Variants in PFKFB3 observed in about 807,000 individuals in gnomAD.
The protein encoded by PFKFB3 is 6-phosphofructo-2-kinase/fructose-2,6-biphosphatase 3, also known as 6-phosphofructo-2-kinase/fructose-2,6-bisphosphatase 3.
PFKFB3 carries 33 observed loss-of-function variants against 68.0 expected under a neutral mutation model. The ratio of observed to expected loss-of-function variants is 0.49; its 90% CI spans 0.37 to 0.65. The LOEUF is 0.65. PFKFB3 is among the 30% of genes least tolerant of loss of function. The pLI is 0.00. For synonymous variants in PFKFB3, 315 were observed against 288.2 expected, an observed-to-expected ratio of 1.09 and a Z score of -0.94; for missense variants, 586 against 712.2, an observed-to-expected ratio of 0.82 and a Z score of 2.02.
At chr10:6,150,701 T>C (rs1841546922) in intron 1 of PFKFB3, among the ~76,000 whole-genome samples, 1 of 151,312 alleles carries the variant, frequency 6.6e-6, no homozygotes, top group Non-Finnish European at 1.5e-5. Context: ...TAATTTAAAA[T>C]AAAGACAATA....
chr10:6,233,218 C>T lies in PFKFB3; in HGVS notation c.*276C>T, dbSNP rs967322133. 1 of 442,754 alleles carries T rather than the reference C, an allele frequency of 2.3e-6. No individual in the cohort carries two copies. The highest frequency in any genetic ancestry group is 4.1e-6 in the Non-Finnish European group (1 of 243,370). The allele number at this position is 442,754 out of a possible 1,614,324, so 27.4% of individuals were successfully genotyped here. On this transcript the variant is annotated 3_prime_UTR_variant, in exon 15 of 15. Coordinates refer to ENST00000379775, the MANE Select transcript of PFKFB3 (RefSeq NM_004566.4). ...CCTAGGAATGTCCAGCCTCGGAGACCTTCACAAAGCCTTGGGAGGGTGATG... is the reference window on the plus strand; with the variant it reads ...CCTAGGAATGTCCAGCCTCGGAGACTTTCACAAAGCCTTGGGAGGGTGATG...
In PFKFB3 at chr10:6,156,323, T is replaced by C. The variant is rs560541051; in HGVS notation, c.16+11310T>C. 3.5e-3 allele frequency among the ~76,000 whole-genome samples: 538 copies of C among 151,942 alleles called. 2 individuals are homozygous for C. Among genetic ancestry groups the C allele is most frequent in the African/African-American group, 0.012 (514 of 41,422 alleles). On this transcript the variant is annotated intron_variant, in intron 1 of 14. Transcript: ENST00000379789. ...TGTGCGCCACCACAGTCTGCTTTTT[T>C]TTTCAAACTTTTTGTGGAGACAAAG...
chr10:6,188,073 G>A (rs977678198), intron 1 of PFKFB3, among the ~76,000 whole-genome samples: 9 of 151,264 alleles, frequency 5.9e-5, no homozygotes, highest in Non-Finnish European at 8.8e-5. Flanking sequence ...ATGTGTGTAC[G>A]TGTGCGTGTG....
At chr10:6,231,545 C>T (rs1012060298) in intron 14 of PFKFB3, 3 of 985,320 alleles carry the variant, frequency 3.0e-6, no homozygotes, top group African/African-American at 3.5e-5. Context: ...AGGCTCTCCA[C>T]TGTTATTGTT....
intron 1 of PFKFB3, among the ~76,000 whole-genome samples, chr10:6,171,394 T>C (rs1315717948): frequency 6.7e-6 from 1 of 150,134 alleles, no homozygotes; most frequent in African/African-American, 2.4e-5. Flanking sequence ...AAATTGTTCT[T>C]TCTTTCTTTT....
At chr10:6,194,552 AG>A (rs1413197748) in intron 1 of PFKFB3, among the ~76,000 whole-genome samples, 1 of 152,186 alleles carries the variant, frequency 6.6e-6, no homozygotes, top group Non-Finnish European at 1.5e-5. Flanking sequence ...GAAAGAGACA[AG>A]GGGGCATTTC....
chr10:6,153,377 C>T (rs2131685194), intron 1 of PFKFB3, among the ~76,000 whole-genome samples: 1 of 152,254 alleles, frequency 6.6e-6, no homozygotes, highest in Non-Finnish European at 1.5e-5. Flanking sequence ...CGGCAGTGAA[C>T]AAAACAGACA....
At chr10:6,302,955 G>A in the PFKFB3 span, among the ~76,000 whole-genome samples, 1 of 152,118 alleles carries the variant, frequency 6.6e-6, no homozygotes, top group Non-Finnish European at 1.5e-5. Flanking sequence ...AAGGGCGCTC[G>A]AGGTAACGGG....
At chr10:6,236,854 A>G (rs1846023684), downstream of PFKFB3, among the ~76,000 whole-genome samples, 1 of 152,200 alleles carries the variant, frequency 6.6e-6, no homozygotes, top group African/African-American at 2.4e-5. Context: ...TTCATCTGAG[A>G]GATGGGCTAG....
At chr10:6,287,813 T>C in the PFKFB3 span, among the ~76,000 whole-genome samples, 1 of 151,296 alleles carries the variant, frequency 6.6e-6, no homozygotes, top group African/African-American at 2.5e-5. Context: ...ATCTGTTAGA[T>C]CAATTAAGAA....
chr10:6,326,271 T>C, the PFKFB3 span, among the ~76,000 whole-genome samples: 2 of 152,074 alleles, frequency 1.3e-5, no homozygotes, highest in South Asian at 2.1e-4. Flanking sequence ...CATCACACAC[T>C]GGGGTCTGTC....
At chr10:6,270,526 G>A in the PFKFB3 span, among the ~76,000 whole-genome samples, 15 of 152,228 alleles carry the variant, frequency 9.9e-5, 2 homozygotes, top group Admixed American at 6.5e-4. Flanking sequence ...CCTCAGCTCA[G>A]CCTACACTCC....
the PFKFB3 span, among the ~76,000 whole-genome samples, chr10:6,312,234 G>A: frequency 1.3e-5 from 2 of 152,098 alleles, no homozygotes; most frequent in Admixed American, 6.5e-5. Context: ...TGAACTTTTC[G>A]GTAAAGAACA....
chr10:6,312,556 G>A, the PFKFB3 span, among the ~76,000 whole-genome samples: 1 of 152,204 alleles, frequency 6.6e-6, no homozygotes, highest in Admixed American at 6.5e-5. Flanking sequence ...CTTTTGCCAT[G>A]TGCTGGCAAT....
chr10:6,224,557 T>C (rs780120321), intron 13 of PFKFB3: 1 of 463,404 alleles, frequency 2.2e-6, no homozygotes, highest in South Asian at 1.6e-5. Flanking sequence ...CACGGCTCAC[T>C]GCAGCCTCAA....
intron 1 of PFKFB3, among the ~76,000 whole-genome samples, chr10:6,165,821 G>GT (rs199743692): frequency 0.039 from 5,613 of 145,380 alleles, 170 homozygotes; most frequent in East Asian, 0.11. Context: ...CTTTGTCTTT[G>GT]TTTTTTTTTT....
rs375688384 is a variant in PFKFB3, at chr10:6,221,275, T to C, written c.832-106T>C. On this transcript the variant is annotated intron_variant, in intron 8 of 14. Coordinates refer to ENST00000379775, the MANE Select transcript of PFKFB3 (RefSeq NM_004566.4). ...TCCCAGTGGCCTGGGGCCCCCACGGTGTAACCAGGTAGTGCACAGCCCTAC... is the reference window on the plus strand; with the variant it reads ...TCCCAGTGGCCTGGGGCCCCCACGGCGTAACCAGGTAGTGCACAGCCCTAC... 5.3e-5 allele frequency: 73 copies of C among 1,377,430 alleles called. No homozygotes were observed. In the African/African-American group the frequency reaches 8.3e-4, roughly 16 times the overall value. The allele number at this position is 1,377,430 out of a possible 1,614,324, so 85.3% of individuals were successfully genotyped here. A position where few individuals can be genotyped will look rare whatever the true frequency, so the allele number is the denominator to read the frequency against.
chr10:6,201,160 A>C (rs1843335028), upstream of PFKFB3, among the ~76,000 whole-genome samples: 1 of 151,596 alleles, frequency 6.6e-6, no homozygotes, highest in African/African-American at 2.4e-5. The surrounding 1 kb of genome is among the most constrained non-coding windows in gnomAD (Gnocchi z 4.1). Context: ...GACCCCCGCG[A>C]ACCCCAGGGC....
At chr10:6,184,270 C>T (rs1842809879) in intron 1 of PFKFB3, among the ~76,000 whole-genome samples, 1 of 151,892 alleles carries the variant, frequency 6.6e-6, no homozygotes, top group Admixed American at 6.6e-5. Flanking sequence ...CCAGCCTGGT[C>T]TCGAGCTTCT....
Sources: gnomAD v4.1 joint callset for allele counts (sites outside exome capture counted in the v4.1 genomes callset) on GRCh38, gnomAD v4.1.1 for gene constraint, Gnocchi (gnomAD v3.1) non-coding constraint, MANE v1.5 for transcripts, NCBI Gene and HGNC (gene_info 2026-07-23, HGNC 2026-07-21) for gene names.